WIPF1: variants seen among roughly 807,000 people sequenced by gnomAD.
The protein encoded by WIPF1 is WAS/WASL interacting protein family member 1.
In WIPF1, 13 loss-of-function variants were observed where a neutral mutation model predicts 35.4. That is an observed-to-expected ratio of 0.37 (90% confidence interval 0.24 to 0.58). The LOEUF is 0.58. WIPF1 is among the 20% of genes least tolerant of loss of function. The pLI is 0.74. For synonymous variants in WIPF1, 267 were observed against 266.3 expected, an observed-to-expected ratio of 1.00 and a Z score of -0.02; for missense variants, 591 against 667.0, an observed-to-expected ratio of 0.89 and a Z score of 1.25.
At chr2:174,646,151 C>T (rs544637133) in intron 1 of WIPF1, among the ~76,000 whole-genome samples, 3 of 152,310 alleles carry the variant, frequency 2.0e-5, no homozygotes, top group African/African-American at 7.2e-5. Context: ...AGGTGTCTCT[C>T]GTTATGGAGA....
intron 1 of WIPF1, chr2:174,665,251 C>T (rs895114877): frequency 6.6e-6 from 1 of 152,198 alleles, no homozygotes; most frequent in African/African-American, 2.4e-5. Context: ...ACGAAGCAAA[C>T]ACCTCGACTA....
chr2:174,635,735 A>T (rs1006269150), intron 1 of WIPF1, among the ~76,000 whole-genome samples: 12 of 139,356 alleles, frequency 8.6e-5, no homozygotes, highest in Admixed American at 2.7e-4. Flanking sequence ...GATTATTTTT[A>T]AAAAAATGCT....
chr2:174,649,538 A>C (rs954339032), intron 1 of WIPF1, among the ~76,000 whole-genome samples: 1 of 152,068 alleles, frequency 6.6e-6, no homozygotes, highest in Non-Finnish European at 1.5e-5. Context: ...AGCCAACCCT[A>C]AACTGTTTTC....
chr2:174,666,484 C>T (rs1234129026), intron 1 of WIPF1, among the ~76,000 whole-genome samples: 1 of 152,200 alleles, frequency 6.6e-6, no homozygotes, highest in Non-Finnish European at 1.5e-5. Flanking sequence ...CAACCAGGGT[C>T]AGTTATGGCA....
At chr2:174,645,330 TAAGTC>T (rs1454196418) in intron 1 of WIPF1, among the ~76,000 whole-genome samples, 1 of 152,254 alleles carries the variant, frequency 6.6e-6, no homozygotes, top group African/African-American at 2.4e-5. Flanking sequence ...TTTCTGACTA[TAAGTC>T]AAGTGTCATT....
At chr2:174,656,817 C>G (rs1413088238) in intron 1 of WIPF1, among the ~76,000 whole-genome samples, 2 of 152,098 alleles carry the variant, frequency 1.3e-5, no homozygotes, top group Non-Finnish European at 2.9e-5. Context: ...AACTGGGCAC[C>G]AAATGTTCAG....
At chr2:174,654,072 A>C (rs948752714) in intron 1 of WIPF1, among the ~76,000 whole-genome samples, 5 of 152,228 alleles carry the variant, frequency 3.3e-5, no homozygotes, top group Non-Finnish European at 7.3e-5. Flanking sequence ...AGAAAATTCA[A>C]ATAGAGTTCT....
chr2:174,569,630 A>C (rs1379523474), intron 5 of WIPF1, among the ~76,000 whole-genome samples: 13 of 152,234 alleles, frequency 8.5e-5, no homozygotes, highest in Admixed American at 8.5e-4. Context: ...TCTATTTCCC[A>C]CTGGCAGAAT....
chr2:174,586,615 TC>T (rs1685431713), intron 1 of WIPF1, among the ~76,000 whole-genome samples: 1 of 152,060 alleles, frequency 6.6e-6, no homozygotes, highest in African/African-American at 2.4e-5. Context: ...CCCCATTTCC[TC>T]TAATCCTTGC....
chr2:174,563,100 A>C (rs1421278808), intron 7 of WIPF1, among the ~76,000 whole-genome samples: 2 of 152,238 alleles, frequency 1.3e-5, no homozygotes, highest in Non-Finnish European at 2.9e-5. Flanking sequence ...CAGTCTACCT[A>C]GTCAATTCCC....
intron 2 of WIPF1, among the ~76,000 whole-genome samples, chr2:174,584,152 G>A (rs1484178059): frequency 6.6e-6 from 1 of 152,094 alleles, no homozygotes; most frequent in Non-Finnish European, 1.5e-5. Flanking sequence ...AAATAACAAT[G>A]AATTATTAGA....
chr2:174,630,875 C>G (rs1057392916), intron 1 of WIPF1, among the ~76,000 whole-genome samples: 1 of 152,164 alleles, frequency 6.6e-6, no homozygotes, highest in Non-Finnish European at 1.5e-5. Flanking sequence ...CAGAATAGCC[C>G]CATTGGTCTT....
rs569638511 is a variant in WIPF1 at position 174,578,067 on chromosome 2, G to A, written c.182-2687C>T. ...GGTTTCTTAATTATAAACATTTTGG[G>A]ACAGATAATTCTTTTTTGTGGGTGG... On this transcript the variant is annotated intron_variant, in intron 3 of 7. Coordinates refer to ENST00000679041, the MANE Select transcript of WIPF1 (RefSeq NM_001375834.1). 5.9e-5 allele frequency among the ~76,000 whole-genome samples: 9 copies of A among 152,164 alleles called. No homozygotes were observed. The East Asian group carries it at 1.5e-3, about 26-fold the overall frequency.
chr2:174,619,012 A>G (rs987502542), intron 1 of WIPF1, among the ~76,000 whole-genome samples: 8 of 152,120 alleles, frequency 5.3e-5, no homozygotes, highest in Admixed American at 2.6e-4. Context: ...ACAGGCTGGC[A>G]GACAGTGGTG....
At chr2:174,562,648 T>A in intron 7 of WIPF1, 46 bp from the exon 8 acceptor site, 1 of 1,608,588 alleles carries the variant, frequency 6.2e-7, no homozygotes. Context: ...AGAAAGCTGA[T>A]GTTCTCATCG....
intron 1 of WIPF1, among the ~76,000 whole-genome samples, chr2:174,631,269 A>C (rs1025439589): frequency 6.6e-6 from 1 of 152,366 alleles, no homozygotes; most frequent in South Asian, 2.1e-4. Flanking sequence ...ATACATACAA[A>C]TATGTTTGGC....
chr2:174,655,915 A>G (rs1687630933), intron 1 of WIPF1: 1 of 152,252 alleles, frequency 6.6e-6, no homozygotes, highest in African/African-American at 2.4e-5. Flanking sequence ...AATCTATTCC[A>G]TTGGTGGCCT....
chr2:174,629,184 A>G (rs1686937435), intron 1 of WIPF1, among the ~76,000 whole-genome samples: 1 of 152,160 alleles, frequency 6.6e-6, no homozygotes, highest in Admixed American at 6.5e-5. Flanking sequence ...GTGAATAGCA[A>G]CTGCACTCCA....
intron 1 of WIPF1, among the ~76,000 whole-genome samples, chr2:174,662,650 G>C (rs536210310): frequency 3.3e-5 from 5 of 152,170 alleles, no homozygotes; most frequent in South Asian, 2.1e-4. Flanking sequence ...AGCCCGTCAC[G>C]GCAGCAACCC....
Sources: gnomAD v4.1 joint callset for allele counts (sites outside exome capture counted in the v4.1 genomes callset) on GRCh38, gnomAD v4.1.1 for gene constraint, MANE v1.5 for transcripts, NCBI Gene and HGNC (gene_info 2026-07-23, HGNC 2026-07-21) for gene names.